The following NSUN6 variants were observed in gnomAD, a reference collection of about 807,000 sequenced individuals.
NSUN6 encodes NOP2/Sun RNA methyltransferase 6.
NSUN6 carries 64 observed loss-of-function variants against 58.0 expected under a neutral mutation model. The observed-to-expected ratio is 1.10, with a 90% confidence interval of 0.90 to 1.36. The LOEUF is 1.36. Ranked by LOEUF, NSUN6 falls within the 40% of genes most tolerant of loss-of-function variation. The pLI is 0.00. For synonymous variants in NSUN6, 231 were observed against 193.9 expected (o/e 1.19, Z -1.59); for missense variants, 701 against 550.1 (o/e 1.27, Z -2.74).
chr10:18,583,727 T>C (rs572263613), intron 8 of NSUN6, among the ~76,000 whole-genome samples: 17 of 152,250 alleles, frequency 1.1e-4, no homozygotes, highest in African/African-American at 2.9e-4. Context: ...AAAGTACAAT[T>C]CTTAAAAATT....
At chr10:18,656,150 G>T (rs1295692769), upstream of NSUN6, among the ~76,000 whole-genome samples, 1 of 152,172 alleles carries the variant, frequency 6.6e-6, no homozygotes, top group East Asian at 1.9e-4. Flanking sequence ...CGATCATATT[G>T]ATTTCAGACC....
chr10:18,555,844 AAATGGAATGGAGAATGG>A (rs1469472351), intron 8 of NSUN6, among the ~76,000 whole-genome samples: 2 of 148,010 alleles, frequency 1.4e-5, no homozygotes, highest in Non-Finnish European at 3.0e-5. Context: ...GAATGGAGAA[AAATGGAATGGAGAATGG>A]AATGGAATGG....
At chr10:18,549,110 GC>G (rs1457815309) in intron 9 of NSUN6, among the ~76,000 whole-genome samples, 1 of 152,070 alleles carries the variant, frequency 6.6e-6, no homozygotes, top group Non-Finnish European at 1.5e-5. Context: ...TCTCTTCTCA[GC>G]CCCAAGCCCC....
chr10:18,575,471 T>C (rs1292029417), intron 8 of NSUN6, among the ~76,000 whole-genome samples: 2 of 152,192 alleles, frequency 1.3e-5, no homozygotes, highest in African/African-American at 2.4e-5. Context: ...ATTGAAAATA[T>C]AGTATCCAGG....
Position 18,614,379 on chromosome 10 carries a change from C to T in NSUN6, c.575+81G>A, listed in dbSNP as rs144095638. On this transcript the variant is annotated intron_variant, in intron 5 of 10. Transcript: ENST00000377304. Reference sequence around the variant, plus strand: ...AAAAAAAAAATTTCATATAATGCAACTAGATACATTTTACATTATTTTTAA... The same window carrying T: ...AAAAAAAAAATTTCATATAATGCAATTAGATACATTTTACATTATTTTTAA... 5.9e-3 allele frequency: 4,865 copies of T among 823,342 alleles called. 18 individuals carry two copies. Among genetic ancestry groups the T allele is most frequent in the Non-Finnish European group, 7.6e-3 (4,352 of 573,154 alleles). 51.0% of individuals were successfully genotyped at this position (823,342 alleles called of 1,614,324 possible).
At chr10:18,571,595 T>A (rs528226960) in intron 8 of NSUN6, among the ~76,000 whole-genome samples, 1 of 150,654 alleles carries the variant, frequency 6.6e-6, no homozygotes, top group East Asian at 2.0e-4. Context: ...TTCCATTCCA[T>A]TCTCTATTCC....
rs200920261 is a variant in NSUN6 at position 18,586,067 on chromosome 10, G to T, written c.804C>A (p.Ile268=). Residue 268 remains isoleucine, a synonymous_variant, in exon 8 of 11, where the codon ATC becomes ATA. Coordinates refer to ENST00000377304, the MANE Select transcript of NSUN6 (RefSeq NM_182543.5). ...GTTTGATTTTTTCTACTTTGTTGAA[G>T]ATTTTATCCAGTGCTATAACTTCTC... ...DQGEVIALDK[I]FNKVEKIKQN... 2 of 1,603,612 alleles carry T rather than the reference G, an allele frequency of 1.2e-6. No homozygotes were observed. Among genetic ancestry groups the T allele is most frequent in the East Asian group, 4.5e-5 (2 of 44,558 alleles).
chr10:18,648,010 A>AT (rs2059599179), intron 2 of NSUN6, among the ~76,000 whole-genome samples: 1 of 152,156 alleles, frequency 6.6e-6, no homozygotes, highest in South Asian at 2.1e-4. Flanking sequence ...AAATGCTGCG[A>AT]TTACAGGCAT....
chr10:18,551,916 A>G lies in NSUN6; in HGVS notation c.978T>C (p.Cys326=), dbSNP rs1454433209. The change falls in exon 9 of 11, where the codon TGT becomes TGC. Residue 326 remains cysteine, a synonymous_variant. Transcript: ENST00000377304. ...SFDRILLDAP[C]SGMGQRPNMA... is the part of the protein sequence containing the mutation. Reference sequence around the variant, plus strand: ...TGTTTGGTCTCTGTCCCATTCCACTACAGGGTGCATCCAGAAGAATTCGGT... The same window carrying G: ...TGTTTGGTCTCTGTCCCATTCCACTGCAGGGTGCATCCAGAAGAATTCGGT... 2 of 1,610,258 alleles carry G rather than the reference A, an allele frequency of 1.2e-6. No homozygotes were observed. Among genetic ancestry groups the G allele is most frequent in the Admixed American group, 1.7e-5 (1 of 59,948 alleles).
intron 1 of NSUN6, 61 bp from the exon 2 acceptor site, chr10:18,648,706 A>G: frequency 1.1e-6 from 1 of 911,148 alleles, no homozygotes; most frequent in South Asian, 1.5e-5. Context: ...GAGCATCCTT[A>G]TATATTAATT....
chr10:18,570,752 CCATTCTCCAT>C (rs2056310092), intron 8 of NSUN6, among the ~76,000 whole-genome samples: 1 of 151,132 alleles, frequency 6.6e-6, no homozygotes, highest in African/African-American at 2.4e-5. Flanking sequence ...ATTCTCCATT[CCATTCTCCAT>C]TCCATTCCAT....
At chr10:18,598,542 G>A (rs1230385393) in intron 6 of NSUN6, among the ~76,000 whole-genome samples, 1 of 152,194 alleles carries the variant, frequency 6.6e-6, no homozygotes, top group Non-Finnish European at 1.5e-5. Flanking sequence ...CACAACCACG[G>A]CTCACTGAAG....
intron 5 of NSUN6, 134 bp from the exon 6 acceptor site, chr10:18,610,060 C>A: frequency 1.6e-6 from 1 of 635,978 alleles, no homozygotes; most frequent in Non-Finnish European, 2.9e-6. Flanking sequence ...TGGCTCAAGC[C>A]TGTAATCCCA....
At chr10:18,555,099 G>T (rs2054890435) in intron 8 of NSUN6, among the ~76,000 whole-genome samples, 1 of 151,266 alleles carries the variant, frequency 6.6e-6, no homozygotes, top group Non-Finnish European at 1.5e-5. Context: ...GAATGGAATG[G>T]AGTGAAGAAT....
At chr10:18,547,037 A>C (rs1589801707) in intron 10 of NSUN6, among the ~76,000 whole-genome samples, 1 of 152,196 alleles carries the variant, frequency 6.6e-6, no homozygotes, top group East Asian at 1.9e-4. Flanking sequence ...GTCTTTGGGC[A>C]TCTAAGGTAC....
intron 8 of NSUN6, among the ~76,000 whole-genome samples, chr10:18,578,473 G>C (rs949934871): frequency 6.6e-6 from 1 of 151,950 alleles, no homozygotes; most frequent in South Asian, 2.1e-4. Flanking sequence ...TAAGCCTTTC[G>C]GTTGTGGTAG....
chr10:18,559,028 T>G (rs1299024511), intron 8 of NSUN6, among the ~76,000 whole-genome samples: 2 of 148,066 alleles, frequency 1.4e-5, no homozygotes, highest in Non-Finnish European at 3.0e-5. Flanking sequence ...CAATGGTGAA[T>G]AGAATGGAGT....
At chr10:18,641,823 C>T (rs1299930875) in intron 3 of NSUN6, among the ~76,000 whole-genome samples, 1 of 152,126 alleles carries the variant, frequency 6.6e-6, no homozygotes, top group East Asian at 1.9e-4. Context: ...AATCCCAATA[C>T]TTTGAGAGGC....
chr10:18,575,187 TCA>T (rs770045942), intron 8 of NSUN6, among the ~76,000 whole-genome samples: 7 of 152,160 alleles, frequency 4.6e-5, no homozygotes, highest in Non-Finnish European at 1.0e-4. Context: ...GACATAATTC[TCA>T]GAGTTTATGG....
Sources: gnomAD v4.1 joint callset for allele counts (sites outside exome capture counted in the v4.1 genomes callset) on GRCh38, gnomAD v4.1.1 for gene constraint, MANE v1.5 for transcripts, NCBI Gene and HGNC (gene_info 2026-07-23, HGNC 2026-07-21) for gene names.